Variants in GARRE1 observed in about 807,000 individuals in gnomAD.
The protein encoded by GARRE1 is granule associated Rac and RHOG effector protein 1.
GARRE1 carries 49 observed loss-of-function variants against 103.2 expected under a neutral mutation model. That is an observed-to-expected ratio of 0.47 (90% CI 0.38 to 0.60). GARRE1 has a LOEUF of 0.60. Among genes scored for constraint, GARRE1 ranks in the 20% least tolerant of loss-of-function variants. GARRE1 has a pLI of 0.00. For missense variants in GARRE1, 1,199 were observed against 1,370.5 expected (o/e 0.87, Z 1.98); for synonymous variants, 505 against 532.8 (o/e 0.95, Z 0.72).
At chr19:34,278,288 A>T (rs563953485) in intron 1 of GARRE1, among the ~76,000 whole-genome samples, 2 of 151,954 alleles carry the variant, frequency 1.3e-5, no homozygotes, top group South Asian at 4.2e-4. Flanking sequence ...TGCTAAAAAT[A>T]CAAAAATTAG....
In GARRE1 at chr19:34,353,002, C is replaced by G; in HGVS notation, c.*47C>G. The G allele has an allele frequency of 1.4e-6, 2 of 1,469,084 alleles. No homozygotes were observed. Among genetic ancestry groups the G allele is most frequent in the Non-Finnish European group, 1.8e-6 (2 of 1,100,896 alleles). The allele number at this position is 1,469,084 out of a possible 1,614,324, so 91.0% of individuals were successfully genotyped here. A position where few individuals can be genotyped will look rare whatever the true frequency, so the allele number is the denominator to read the frequency against. On this transcript the variant is annotated 3_prime_UTR_variant, in exon 14 of 14. Coordinates refer to ENST00000299505, the MANE Select transcript of GARRE1 (RefSeq NM_014686.5). ...TGCCTGCCTGCCTGCCCGCCCAGAGCTGTGGGGATGAGTGTCCCCACCCCA... is the reference window on the plus strand; with the variant it reads ...TGCCTGCCTGCCTGCCCGCCCAGAGGTGTGGGGATGAGTGTCCCCACCCCA...
At chr19:34,348,716 C>A in intron 11 of GARRE1, 1 of 335,410 alleles carries the variant, frequency 3.0e-6, no homozygotes, top group South Asian at 3.6e-5. Context: ...ATCCCGTCAC[C>A]TAGGTATTAA....
At chr19:34,291,378 G>C (rs1023892010) in intron 1 of GARRE1, among the ~76,000 whole-genome samples, 1 of 152,268 alleles carries the variant, frequency 6.6e-6, no homozygotes, top group Middle Eastern at 3.4e-3. Context: ...TATTAAATGA[G>C]AAGTTAGTTA....
intron 10 of GARRE1, 115 bp from the exon 11 acceptor site, chr19:34,347,762 G>C (rs2074218727): frequency 1.9e-6 from 2 of 1,037,274 alleles, no homozygotes; most frequent in South Asian, 1.9e-5. Context: ...GCACAAGCCT[G>C]GCAGCTCCTC....
chr19:34,349,163 G>A lies in GARRE1; in HGVS notation c.2825+10G>A. ...CTGTCAAGCAGAGAAGGTATGAAGG[G>A]ATTTCTAAACCAAGGTGGGGAGAGA... On this transcript the variant is annotated intron_variant, in intron 12 of 13. Coordinates refer to ENST00000299505, the MANE Select transcript of GARRE1 (RefSeq NM_014686.5). 1.9e-6 allele frequency: 3 copies of A among 1,611,224 alleles called. No individual in the cohort carries two copies. The highest frequency in any genetic ancestry group is 1.7e-6 in the Non-Finnish European group (2 of 1,179,942).
rs144223154 is a variant in GARRE1 at position 34,260,310 on chromosome 19, TAACAGAC to T, written c.-796+5697_-796+5703del. On this transcript the variant is annotated intron_variant, in intron 1 of 13. Transcript: ENST00000299505. Reference sequence around the variant, plus strand: ...TTTTGTGACAATGCGATTGCATACTTAACAGACTACAATATAGTGTAAATATAACTTT... The same window carrying T: ...TTTTGTGACAATGCGATTGCATACTTTACAATATAGTGTAAATATAACTTT... 8.6e-3 allele frequency among the ~76,000 whole-genome samples: 1,315 copies of T among 152,320 alleles called. 8 individuals carry two copies. The highest frequency in any genetic ancestry group is 0.014 in the Middle Eastern group (4 of 294).
intron 2 of GARRE1, among the ~76,000 whole-genome samples, chr19:34,316,002 A>G (rs2074058713): frequency 6.6e-6 from 1 of 152,132 alleles, no homozygotes; most frequent in African/African-American, 2.4e-5. Context: ...TCTGATTAGT[A>G]TTTATCCACT....
intron 1 of GARRE1, among the ~76,000 whole-genome samples, chr19:34,259,593 C>T (rs571762870): frequency 5.9e-5 from 9 of 151,958 alleles, no homozygotes; most frequent in South Asian, 4.1e-4. Flanking sequence ...AGAGATCTTG[C>T]GTGTCTTATT....
At chr19:34,334,820 G>A (rs1427598967) in intron 8 of GARRE1, among the ~76,000 whole-genome samples, 1 of 151,980 alleles carries the variant, frequency 6.6e-6, no homozygotes, top group Non-Finnish European at 1.5e-5. Context: ...TTGGAAGGCC[G>A]AGGCGGCCAG....
chr19:34,276,597 G>A (rs1045515224), intron 1 of GARRE1, among the ~76,000 whole-genome samples: 2 of 152,120 alleles, frequency 1.3e-5, no homozygotes, highest in African/African-American at 4.8e-5. Context: ...AGAGAGTTCT[G>A]GATAATCCTG....
At chr19:34,255,563 T>C (rs1011659613) in intron 1 of GARRE1, among the ~76,000 whole-genome samples, 2 of 152,240 alleles carry the variant, frequency 1.3e-5, no homozygotes, top group African/African-American at 4.8e-5. Flanking sequence ...ATAGGTATTG[T>C]TATTTTTATG....
rs929540597 is a variant in GARRE1, at chr19:34,354,688, AAG to A, written c.*1735_*1736del. ...TTCCGTCTCAACAAGAAAAAAAAAAAAGAATATATATATATGTATGTATGTAT... is the reference window on the plus strand; with the variant it reads ...TTCCGTCTCAACAAGAAAAAAAAAAAAATATATATATATGTATGTATGTAT... On this transcript the variant is annotated 3_prime_UTR_variant, in exon 14 of 14. Transcript: ENST00000299505. 6.6e-6 allele frequency: 1 copy of A among 152,248 alleles called. No individual in the cohort carries two copies. Among genetic ancestry groups the A allele is most frequent in the African/African-American group, 2.4e-5 (1 of 41,360 alleles). 9.4% of individuals were successfully genotyped at this position (152,248 alleles called of 1,614,324 possible).
intron 10 of GARRE1, among the ~76,000 whole-genome samples, chr19:34,344,900 G>GCGATCT (rs1340224434): frequency 1.3e-5 from 2 of 151,160 alleles, no homozygotes; most frequent in African/African-American, 4.9e-5. Context: ...GTGCAGTGGC[G>GCGATCT]CGATCTCGGC....
chr19:34,348,668 A>C (rs986032129), intron 11 of GARRE1: 1 of 169,482 alleles, frequency 5.9e-6, no homozygotes, highest in African/African-American at 2.4e-5. Flanking sequence ...GTTTGTTGCA[A>C]AGGTTAATGT....
At chr19:34,279,651 A>G (rs1441551692) in intron 1 of GARRE1, among the ~76,000 whole-genome samples, 11 of 152,192 alleles carry the variant, frequency 7.2e-5, no homozygotes, top group Non-Finnish European at 5.9e-5. Context: ...TTCTTGCCTT[A>G]CTGTAAAGAA....
chr19:34,289,173 G>A (rs552293433), intron 1 of GARRE1, among the ~76,000 whole-genome samples: 2 of 151,996 alleles, frequency 1.3e-5, no homozygotes, highest in Non-Finnish European at 2.9e-5. Context: ...GGCGGCTCAC[G>A]CCTATAATCC....
intron 1 of GARRE1, among the ~76,000 whole-genome samples, chr19:34,294,095 A>G (rs1237319066): frequency 6.6e-6 from 1 of 151,880 alleles, no homozygotes; most frequent in African/African-American, 2.4e-5. Flanking sequence ...ATGTGCTTCT[A>G]AATTATCAGG....
intron 2 of GARRE1, among the ~76,000 whole-genome samples, chr19:34,306,089 G>T (rs1263136812): frequency 1.2e-4 from 19 of 152,184 alleles, no homozygotes; most frequent in Non-Finnish European, 1.5e-5. Flanking sequence ...GCCAATAAGG[G>T]TCTCTCTCAG....
chr19:34,266,894 T>A (rs931396967), intron 1 of GARRE1, among the ~76,000 whole-genome samples: 1 of 152,160 alleles, frequency 6.6e-6, no homozygotes, highest in Non-Finnish European at 1.5e-5. Flanking sequence ...ATACTTGTTT[T>A]TTTTTCCTCC....
Sources: gnomAD v4.1 joint callset for allele counts (sites outside exome capture counted in the v4.1 genomes callset) on GRCh38, gnomAD v4.1.1 for gene constraint, MANE v1.5 for transcripts, NCBI Gene and HGNC (gene_info 2026-07-23, HGNC 2026-07-21) for gene names.